The following BTBD9 variants were observed in gnomAD, a reference collection of about 807,000 sequenced individuals.
The protein encoded by BTBD9 is BTB/POZ domain-containing protein 9.
Under a neutral mutation model 64.3 loss-of-function variants are expected in BTBD9, and 49 were observed. That is an observed-to-expected ratio of 0.76 (90% CI 0.61 to 0.97). BTBD9 has a LOEUF of 0.97. BTBD9 is among the 50% of genes least tolerant of loss of function. BTBD9 has a pLI of 0.00. For missense variants in BTBD9, 598 were observed against 762.1 expected (o/e 0.78, Z 2.53); for synonymous variants, 260 against 274.7 (o/e 0.95, Z 0.53).
chr6:38,456,235 G>A (rs535280969), intron 6 of BTBD9, among the ~76,000 whole-genome samples: 1 of 152,290 alleles, frequency 6.6e-6, no homozygotes, highest in East Asian at 1.9e-4. Context: ...TGATCCACCT[G>A]CCTCAGCCTT....
intron 6 of BTBD9, among the ~76,000 whole-genome samples, chr6:38,364,779 G>A (rs9380739): frequency 0.43 from 64,887 of 151,898 alleles, 14,918 homozygotes; most frequent in East Asian, 0.94. Flanking sequence ...GGATAAAATG[G>A]AAAATACTAA....
At chr6:38,267,798 G>C (rs1020832054) in intron 8 of BTBD9, among the ~76,000 whole-genome samples, 5 of 152,112 alleles carry the variant, frequency 3.3e-5, no homozygotes, top group Admixed American at 6.6e-5. Context: ...AAATTAGCTG[G>C]GCGAGGTGGC....
intron 7 of BTBD9, among the ~76,000 whole-genome samples, chr6:38,323,172 C>T (rs765226885): frequency 6.6e-6 from 1 of 152,180 alleles, no homozygotes; most frequent in Non-Finnish European, 1.5e-5. Flanking sequence ...TATGTATCTA[C>T]TCTAAAATCT....
chr6:38,209,167 G>A (rs1051914071), intron 9 of BTBD9, among the ~76,000 whole-genome samples: 1 of 152,160 alleles, frequency 6.6e-6, no homozygotes, highest in South Asian at 2.1e-4. Flanking sequence ...AGAGCTTTTG[G>A]TGGTCTCTCT....
rs1044216944 is a variant in BTBD9 at position 38,588,069 on chromosome 6, A to C, written c.814+4507T>G. ...GGTCAGACTGAAAGTCAGCTGTATC[A>C]ATAGTACCAGCAACAGGCTAGCTAT... On this transcript the variant is annotated intron_variant, in intron 4 of 10. Coordinates refer to ENST00000481247, the MANE Select transcript of BTBD9 (RefSeq NM_001099272.2). 31 of 728,598 alleles carry C rather than the reference A, an allele frequency of 4.3e-5. No homozygotes were observed. In the South Asian group the frequency reaches 4.6e-4, roughly 11 times the overall value. The allele number at this position is 728,598 out of a possible 1,614,324, so 45.1% of individuals were successfully genotyped here.
chr6:38,420,752 A>G (rs1357101156), intron 6 of BTBD9, among the ~76,000 whole-genome samples: 1 of 152,124 alleles, frequency 6.6e-6, no homozygotes, highest in Non-Finnish European at 1.5e-5. Flanking sequence ...GCTACTCAGG[A>G]GGCCGAGGCA....
At chr6:38,465,523 C>A (rs9688895) in intron 6 of BTBD9, among the ~76,000 whole-genome samples, 7,721 of 141,906 alleles carry the variant, frequency 0.054, 461 homozygotes, top group African/African-American at 0.14. Context: ...CCCAGCTACT[C>A]GGGAGGCTGA....
At chr6:38,465,749 ATATATATGTATG>A (rs1177049833) in intron 6 of BTBD9, among the ~76,000 whole-genome samples, 11 of 38,580 alleles carry the variant, frequency 2.9e-4, no homozygotes, top group African/African-American at 1.0e-3. Flanking sequence ...ATATATATAT[ATATATATGTATG>A]TATGTATGTA....
intron 6 of BTBD9, among the ~76,000 whole-genome samples, chr6:38,392,834 T>G (rs1269104569): frequency 6.6e-6 from 1 of 151,838 alleles, no homozygotes; most frequent in Non-Finnish European, 1.5e-5. Flanking sequence ...AAGGCAATGA[T>G]TTTTAAAATT....
chr6:38,349,175 A>G (rs551104356), intron 6 of BTBD9, among the ~76,000 whole-genome samples: 1 of 152,208 alleles, frequency 6.6e-6, no homozygotes, highest in African/African-American at 2.4e-5. Flanking sequence ...GGTGTGAGCC[A>G]CCGCACCTGA....
chr6:38,413,494 C>T (rs2246023), intron 6 of BTBD9, among the ~76,000 whole-genome samples: 144,597 of 152,298 alleles, frequency 0.95, 68,730 homozygotes, highest in East Asian at 1. Context: ...CTCTAGTTTG[C>T]AAGGCCTGTT....
At chr6:38,489,644 T>C (rs1371107904) in intron 6 of BTBD9, among the ~76,000 whole-genome samples, 3 of 152,192 alleles carry the variant, frequency 2.0e-5, no homozygotes, top group Non-Finnish European at 2.9e-5. Flanking sequence ...ATGTTTTACC[T>C]CGCCCTCACC....
intron 10 of BTBD9, chr6:38,179,502 A>G (rs1309797388): frequency 2.2e-6 from 1 of 456,766 alleles, no homozygotes; most frequent in Non-Finnish European, 4.4e-6. Context: ...ACCTGCACTC[A>G]TGCCAAGGAC....
intron 8 of BTBD9, among the ~76,000 whole-genome samples, chr6:38,260,402 G>C (rs140725498): frequency 6.6e-6 from 1 of 152,212 alleles, no homozygotes; most frequent in Non-Finnish European, 1.5e-5. Context: ...TATCCTTCTA[G>C]ATAATCATAA....
rs574752929 is a variant in BTBD9, at chr6:38,424,987, C to T, written c.1155-79894G>A. Among the ~76,000 whole-genome samples the T allele has an allele frequency of 6.6e-5, 10 of 151,620 alleles. No individual in the cohort carries two copies. The South Asian group carries it at 2.1e-3, about 32-fold the overall frequency. On this transcript the variant is annotated intron_variant, in intron 6 of 10. Transcript: ENST00000481247. ...CCGTAGCTGGGATTACAGGCACATG[C>T]CACCCAGCTAATTTTGTATTCTTAG...
At chr6:38,402,576 A>G (rs9357272) in intron 6 of BTBD9, among the ~76,000 whole-genome samples, 64,225 of 152,094 alleles carry the variant, frequency 0.42, 17,201 homozygotes, top group East Asian at 0.95. Flanking sequence ...AAGACAATTC[A>G]AAGGGGAAAA....
intron 1 of BTBD9, among the ~76,000 whole-genome samples, chr6:38,604,150 G>A (rs751916517): frequency 6.6e-6 from 1 of 152,112 alleles, no homozygotes. Context: ...TTATCCTCCA[G>A]CCAGTAAAGT....
intron 6 of BTBD9, among the ~76,000 whole-genome samples, chr6:38,575,768 C>A (rs1775994549): frequency 6.6e-6 from 1 of 152,074 alleles, no homozygotes. Flanking sequence ...ATCATTATCA[C>A]TAACATCACT....
At chr6:38,479,573 T>TA (rs1562242233) in intron 6 of BTBD9, among the ~76,000 whole-genome samples, 1 of 152,126 alleles carries the variant, frequency 6.6e-6, no homozygotes, top group African/African-American at 2.4e-5. Flanking sequence ...CTTTATGAGG[T>TA]AACACTCCCT....
Sources: gnomAD v4.1 joint callset for allele counts (sites outside exome capture counted in the v4.1 genomes callset) on GRCh38, gnomAD v4.1.1 for gene constraint, MANE v1.5 for transcripts, NCBI Gene and HGNC (gene_info 2026-07-23, HGNC 2026-07-21) for gene names.